Variants in KCNK13 observed in about 807,000 individuals in gnomAD.
The protein encoded by KCNK13 is potassium two pore domain channel subfamily K member 13, also known as potassium channel subfamily K member 13.
Under a neutral mutation model 23.4 loss-of-function variants are expected in KCNK13, and 12 were observed. That is an observed-to-expected ratio of 0.51 (90% CI 0.33 to 0.83). The LOEUF is 0.83. KCNK13 is among the 40% of genes least tolerant of loss of function. The probability of loss-of-function intolerance (pLI) is 0.02; values close to 1 mark genes in which losing one functional copy is unlikely to be tolerated. For missense variants in KCNK13, 463 were observed against 556.3 expected, an observed-to-expected ratio of 0.83 and a Z score of 1.69; for synonymous variants, 231 against 229.5, an observed-to-expected ratio of 1.01 and a Z score of -0.06.
At chr14:90,149,816 T>C (rs74080612) in intron 1 of KCNK13, among the ~76,000 whole-genome samples, 9,886 of 152,256 alleles carry the variant, frequency 0.065, 414 homozygotes, top group South Asian at 0.21. Context: ...GAGTACACAC[T>C]GAATTCAGAG....
intron 1 of KCNK13, among the ~76,000 whole-genome samples, chr14:90,145,502 T>C (rs1174412240): frequency 6.6e-6 from 1 of 152,246 alleles, no homozygotes; most frequent in Non-Finnish European, 1.5e-5. Flanking sequence ...GCTGAAATTA[T>C]GTAAGAATTA....
chr14:90,141,392 C>T (rs565878347), intron 1 of KCNK13, among the ~76,000 whole-genome samples: 9 of 152,174 alleles, frequency 5.9e-5, no homozygotes, highest in Non-Finnish European at 1.0e-4. Context: ...ACCATCTAAG[C>T]GATTTAGGTA....
At chr14:90,088,249 C>T (rs1348636213) in intron 1 of KCNK13, among the ~76,000 whole-genome samples, 1 of 152,122 alleles carries the variant, frequency 6.6e-6, no homozygotes, top group Admixed American at 6.6e-5. Flanking sequence ...TAGAAATTGC[C>T]ACTGGCCTTG....
intron 1 of KCNK13, among the ~76,000 whole-genome samples, chr14:90,077,760 A>G (rs1889157700): frequency 6.6e-6 from 1 of 152,070 alleles, no homozygotes; most frequent in African/African-American, 2.4e-5. Context: ...ATAGTTATTG[A>G]TAGTATCTTA....
intron 1 of KCNK13, among the ~76,000 whole-genome samples, chr14:90,142,229 C>T (rs1377897097): frequency 6.6e-6 from 1 of 151,600 alleles, no homozygotes; most frequent in Non-Finnish European, 1.5e-5. Flanking sequence ...TGATTGGCTC[C>T]TTTCACTCAG....
intron 1 of KCNK13, among the ~76,000 whole-genome samples, chr14:90,134,949 G>A (rs1245755438): frequency 6.6e-6 from 1 of 152,216 alleles, no homozygotes; most frequent in South Asian, 2.1e-4. Flanking sequence ...GAATTGTGGA[G>A]CTCACAGTAG....
chr14:90,098,061 G>A (rs1408110263), intron 1 of KCNK13, among the ~76,000 whole-genome samples: 1 of 152,068 alleles, frequency 6.6e-6, no homozygotes, highest in Non-Finnish European at 1.5e-5. Flanking sequence ...TCTATCTCTA[G>A]GCCTGCATCT....
At chr14:90,102,173 G>A (rs1268999396) in intron 1 of KCNK13, among the ~76,000 whole-genome samples, 1 of 152,082 alleles carries the variant, frequency 6.6e-6, no homozygotes, top group Non-Finnish European at 1.5e-5. Flanking sequence ...ATGAGCCAAC[G>A]TGCCCAGCCA....
intron 1 of KCNK13, among the ~76,000 whole-genome samples, chr14:90,156,911 G>A (rs1183534700): frequency 2.6e-5 from 4 of 152,166 alleles, no homozygotes; most frequent in Admixed American, 2.6e-4. Context: ...CCAGTTGGCT[G>A]TACTGGGGTC....
In KCNK13 at chr14:90,112,399, C is replaced by T. The variant is rs577412354; in HGVS notation, c.334+49860C>T. 2.8e-4 allele frequency among the ~76,000 whole-genome samples: 42 copies of T among 152,294 alleles called. 1 individual carries two copies. The South Asian group carries it at 3.5e-3, about 13-fold the overall frequency. On this transcript the variant is annotated intron_variant, in intron 1 of 1. Transcript: ENST00000282146. ...GGATGAGCAATACAGTTGATTCATG[C>T]CGGCCAGTAGAGCATCTCTAGAGTG...
chr14:90,149,050 G>A (rs1344541375), intron 1 of KCNK13, among the ~76,000 whole-genome samples: 1 of 152,134 alleles, frequency 6.6e-6, no homozygotes, highest in African/African-American at 2.4e-5. Flanking sequence ...CTAAGACTGG[G>A]TAATTTATAA....
intron 1 of KCNK13, among the ~76,000 whole-genome samples, chr14:90,127,007 A>C (rs1447313080): frequency 6.6e-6 from 1 of 152,244 alleles, no homozygotes; most frequent in African/African-American, 2.4e-5. Context: ...AATGTAATGC[A>C]GTATCCCGGA....
At chr14:90,155,627 T>C (rs900340610) in intron 1 of KCNK13, among the ~76,000 whole-genome samples, 10 of 152,092 alleles carry the variant, frequency 6.6e-5, no homozygotes, top group Non-Finnish European at 1.5e-4. Context: ...CTGAATATAT[T>C]TTGGTAGGTA....
intron 1 of KCNK13, among the ~76,000 whole-genome samples, chr14:90,094,213 A>G (rs1889381942): frequency 6.6e-6 from 1 of 152,172 alleles, no homozygotes; most frequent in Admixed American, 6.5e-5. Flanking sequence ...ACTACATCCC[A>G]TCTGCTTTGA....
At chr14:90,170,337 C>T (rs1010793120) in intron 1 of KCNK13, among the ~76,000 whole-genome samples, 2 of 152,144 alleles carry the variant, frequency 1.3e-5, no homozygotes, top group Non-Finnish European at 1.5e-5. Flanking sequence ...CCTCAGCCTC[C>T]CAAGTAACTG....
intron 1 of KCNK13, among the ~76,000 whole-genome samples, chr14:90,138,304 A>G (rs1889962548): frequency 6.6e-6 from 1 of 152,242 alleles, no homozygotes; most frequent in Non-Finnish European, 1.5e-5. Flanking sequence ...TAGGAGTTTT[A>G]TCTCTATCCA....
intron 1 of KCNK13, among the ~76,000 whole-genome samples, chr14:90,156,072 C>T (rs577622859): frequency 2.6e-5 from 4 of 152,030 alleles, no homozygotes; most frequent in South Asian, 2.1e-4. Flanking sequence ...GGCATGGTAG[C>T]GCACACTTGT....
chr14:90,159,932 CGTGTGTGTGTAGGGGTGTGTGTGT>C (rs1434245441), intron 1 of KCNK13, among the ~76,000 whole-genome samples: 1 of 127,888 alleles, frequency 7.8e-6, no homozygotes, highest in African/African-American at 2.7e-5. Flanking sequence ...TCTTAATAAT[CGTGTGTGTGTAGGGGTGTGTGTGT>C]GTGTGTGTGT....
chr14:90,168,900 TAGTG>T (rs1433292168), intron 1 of KCNK13, among the ~76,000 whole-genome samples: 12 of 152,126 alleles, frequency 7.9e-5, no homozygotes, highest in African/African-American at 2.2e-4. Context: ...GTTCTCACAG[TAGTG>T]AGTAAGTCTC....
Sources: allele counts gnomAD v4.1 joint callset (sites outside exome capture counted in the v4.1 genomes callset), GRCh38; gene constraint gnomAD v4.1.1; transcripts MANE v1.5; gene names NCBI Gene and HGNC (gene_info 2026-07-23, HGNC 2026-07-21).